The following FLNB variants were observed in gnomAD, a reference collection of about 807,000 sequenced individuals.
The protein encoded by FLNB is filamin B, also known as filamin-B.
Under a neutral mutation model 250.6 loss-of-function variants are expected in FLNB, and 111 were observed. The ratio of observed to expected loss-of-function variants is 0.44; its 90% CI spans 0.38 to 0.52. The LOEUF (loss-of-function observed/expected upper bound fraction) is 0.52, where lower values mean the gene tolerates loss of function less well. FLNB is among the 20% of genes least tolerant of loss of function. The pLI is 0.00. For synonymous variants in FLNB, 1,302 were observed against 1,372.1 expected (o/e 0.95, Z 1.13); for missense variants, 2,869 against 3,447.8 (o/e 0.83, Z 4.20).
At position 58,155,972 on chromosome 3, in the gene FLNB, T is replaced by G; in HGVS notation, c.6785T>G (p.Val2262Gly). ...YIAQEPGNYE[V>G]SIKFNDEHIP... Reference sequence around the variant, plus strand: ...CCTGTCCTCATAGGTAACTACGAGGTGTCCATCAAGTTCAATGATGAGCAC... The same window carrying G: ...CCTGTCCTCATAGGTAACTACGAGGGGTCCATCAAGTTCAATGATGAGCAC... The change falls in exon 41 of 46, where the codon GTG (valine) becomes GGG (glycine). Residue 2262 changes from valine (V) to glycine (G), a missense_variant. By Grantham distance (109) the Val-to-Gly change is moderately radical. Coordinates refer to ENST00000295956, the MANE Select transcript of FLNB (RefSeq NM_001457.4). 1 of 1,612,418 alleles carries G rather than the reference T, an allele frequency of 6.2e-7. No homozygotes were observed. Among genetic ancestry groups the G allele is most frequent in the Non-Finnish European group, 8.5e-7 (1 of 1,178,538 alleles).
intron 1 of FLNB, among the ~76,000 whole-genome samples, chr3:58,044,163 G>A (rs2106812641): frequency 6.6e-6 from 1 of 152,292 alleles, no homozygotes; most frequent in South Asian, 2.1e-4. Flanking sequence ...GAGAGGTGAT[G>A]AGGCTGGGCC....
intron 1 of FLNB, among the ~76,000 whole-genome samples, chr3:58,053,817 T>G (rs1395899554): frequency 6.6e-6 from 1 of 152,196 alleles, no homozygotes; most frequent in East Asian, 1.9e-4. Context: ...AGTGCATTCT[T>G]ACTAATTTTA....
intron 1 of FLNB, among the ~76,000 whole-genome samples, chr3:58,037,795 A>T (rs891615588): frequency 6.6e-6 from 1 of 152,082 alleles, no homozygotes; most frequent in Admixed American, 6.5e-5. Flanking sequence ...ATATCTACTC[A>T]TCTTTATACT....
chr3:58,025,932 A>C (rs1486729674), intron 1 of FLNB, among the ~76,000 whole-genome samples: 2 of 152,212 alleles, frequency 1.3e-5, no homozygotes, highest in Non-Finnish European at 1.5e-5. Flanking sequence ...TCAAACAAAC[A>C]AACAAAAAAT....
chr3:58,110,482 C>CAT (rs2097266707), intron 16 of FLNB, among the ~76,000 whole-genome samples: 1 of 147,610 alleles, frequency 6.8e-6, no homozygotes, highest in Non-Finnish European at 1.5e-5. Flanking sequence ...TGGAGTTTTG[C>CAT]TCTTGTTGCC....
chr3:58,148,506 A>C, intron 35 of FLNB, 142 bp downstream of exon 35: 1 of 1,230,656 alleles, frequency 8.1e-7, no homozygotes, highest in Non-Finnish European at 1.2e-6. Flanking sequence ...ATAAATGCCC[A>C]AGCGTATTTG....
rs183918730 is a variant in FLNB, at chr3:58,056,685, G to A, written c.293-20361G>A. On this transcript the variant is annotated intron_variant, in intron 1 of 45. Transcript: ENST00000295956. The stretch of plus-strand genomic sequence containing the variant: ...GGCATGACCTCGGCTCACTGCAGTC[G>A]CCGCCTCCTGGGTTCAAGCCTCAGC... Among the ~76,000 whole-genome samples, 104 of 148,190 alleles carry A rather than the reference G, an allele frequency of 7.0e-4. 2 individuals are homozygous for A. Among genetic ancestry groups the A allele is most frequent in the Non-Finnish European group, 2.7e-4 (18 of 66,764 alleles).
chr3:58,019,131 G>A (rs928147083), intron 1 of FLNB, among the ~76,000 whole-genome samples: 5 of 151,972 alleles, frequency 3.3e-5, no homozygotes, highest in Admixed American at 6.6e-5. Flanking sequence ...AGTGAGACCC[G>A]TTTCTAAAAC....
chr3:58,078,675 G>A (rs770152670), intron 2 of FLNB, 42 bp from the exon 3 acceptor site: 19 of 1,574,890 alleles, frequency 1.2e-5, no homozygotes, highest in Non-Finnish European at 1.7e-5. Flanking sequence ...TAATCTCTTT[G>A]GTCAGCTAAT....
intron 18 of FLNB, among the ~76,000 whole-genome samples, chr3:58,117,530 A>G (rs983202250): frequency 6.6e-6 from 1 of 152,120 alleles, no homozygotes; most frequent in East Asian, 1.9e-4. Context: ...CTGAATTGTT[A>G]GGGGCTGTGG....
chr3:58,109,516 T>C, intron 14 of FLNB, 60 bp from the exon 15 acceptor site: 3 of 1,613,272 alleles, frequency 1.9e-6, no homozygotes, highest in Admixed American at 3.3e-5. Flanking sequence ...TGTTTTTTAA[T>C]AGTATTTTAC....
At chr3:58,120,638 T>A (rs1428172043) in intron 19 of FLNB, among the ~76,000 whole-genome samples, 1 of 152,220 alleles carries the variant, frequency 6.6e-6, no homozygotes, top group Non-Finnish European at 1.5e-5. Flanking sequence ...GCTCTGTGAC[T>A]TCTGCTTTCT....
In FLNB at chr3:58,067,593, GTTT is replaced by G. The variant is rs375448903; in HGVS notation, c.293-9445_293-9443del. 7.8e-4 allele frequency among the ~76,000 whole-genome samples: 110 copies of G among 140,884 alleles called. 1 individual carries two copies. The highest frequency in any genetic ancestry group is 9.6e-4 in the Non-Finnish European group (62 of 64,802). 92.4% of individuals were successfully genotyped at this position (140,884 alleles called of 152,430 possible). On this transcript the variant is annotated intron_variant, in intron 1 of 45. Transcript: ENST00000295956. ...AGAGGTTTTTTTTGTTTGTTTTTTT[GTTT>G]TTTTTTTGTTTTTTTTTTGGGACAG...
intron 17 of FLNB, 106 bp downstream of exon 17, chr3:58,111,987 C>A (rs1019128849): frequency 8.4e-7 from 1 of 1,196,568 alleles, no homozygotes; most frequent in Non-Finnish European, 1.2e-6. Context: ...ACACCAACAC[C>A]AAGCTGGCAG....
At chr3:58,111,981 CA>C in intron 17 of FLNB, 100 bp downstream of exon 17, 1 of 1,196,316 alleles carries the variant, frequency 8.4e-7, no homozygotes, top group Non-Finnish European at 1.2e-6. Context: ...CCACCAACAC[CA>C]ACACCAAGCT....
intron 41 of FLNB, among the ~76,000 whole-genome samples, chr3:58,157,356 G>A (rs148450091): frequency 5.3e-5 from 8 of 152,286 alleles, no homozygotes; most frequent in African/African-American, 1.9e-4. Flanking sequence ...TGATGTCTAA[G>A]ATTGGTGATA....
intron 29 of FLNB, among the ~76,000 whole-genome samples, chr3:58,139,328 G>A (rs1252437285): frequency 2.6e-5 from 4 of 152,168 alleles, no homozygotes; most frequent in Non-Finnish European, 4.4e-5. Context: ...ATACCATGCT[G>A]TCATCCTCAC....
chr3:58,027,874 A>C (rs1392040528), intron 1 of FLNB, among the ~76,000 whole-genome samples: 12 of 152,230 alleles, frequency 7.9e-5, no homozygotes, highest in Admixed American at 7.2e-4. Context: ...AGGTAAATGG[A>C]AGGTAACCAT....
intron 9 of FLNB, among the ~76,000 whole-genome samples, chr3:58,102,590 T>C (rs1485887934): frequency 2.0e-5 from 3 of 152,236 alleles, no homozygotes; most frequent in Admixed American, 6.5e-5. Context: ...AAAGCAGTGA[T>C]GTAAAGGAGT....
Sources: allele counts gnomAD v4.1 joint callset (sites outside exome capture counted in the v4.1 genomes callset), GRCh38; gene constraint gnomAD v4.1.1; transcripts MANE v1.5; gene names NCBI Gene and HGNC (gene_info 2026-07-23, HGNC 2026-07-21).